The following PCLO variants were observed in gnomAD, a reference collection of about 807,000 sequenced individuals.
PCLO encodes protein piccolo.
PCLO carries 82 observed loss-of-function variants against 427.5 expected under a neutral mutation model. The ratio of observed to expected loss-of-function variants is 0.19; its 90% CI spans 0.16 to 0.23. PCLO has a LOEUF of 0.23. PCLO is among the 10% of genes least tolerant of loss of function. The probability of loss-of-function intolerance (pLI) is 1.00; values close to 1 mark genes in which losing one functional copy is unlikely to be tolerated. For missense variants in PCLO, 6,239 were observed against 6,115.9 expected (o/e 1.02, Z -0.67); for synonymous variants, 2,357 against 2,155.4 (o/e 1.09, Z -2.59).
At chr7:82,769,927 C>T (rs552249260) in intron 22 of PCLO, among the ~76,000 whole-genome samples, 6 of 152,148 alleles carry the variant, frequency 3.9e-5, no homozygotes, top group Non-Finnish European at 7.4e-5. Context: ...CTTCTAGCCC[C>T]GTGAGATGGC....
chr7:82,879,825 T>C (rs1793459682), intron 9 of PCLO: 1 of 453,700 alleles, frequency 2.2e-6, no homozygotes, highest in African/African-American at 2.0e-5. Flanking sequence ...ACATTTTACT[T>C]ATAGAAGAGC....
At chr7:82,820,905 A>C in intron 20 of PCLO, 6 of 1,230,496 alleles carry the variant, frequency 4.9e-6, no homozygotes, top group Non-Finnish European at 6.1e-6. Flanking sequence ...AGTGCATAGA[A>C]AAATACAAAT....
At chr7:82,932,421 C>G (rs1794860160) in intron 6 of PCLO, among the ~76,000 whole-genome samples, 1 of 151,982 alleles carries the variant, frequency 6.6e-6, no homozygotes, top group African/African-American at 2.4e-5. Context: ...GTAGAACTTT[C>G]AATGGAATCG....
chr7:83,151,961 T>G, intron 2 of PCLO, among the ~76,000 whole-genome samples: 1 of 151,832 alleles, frequency 6.6e-6, no homozygotes, highest in Admixed American at 6.6e-5. Context: ...TATACAAACT[T>G]ACTTTTTTTT....
chr7:82,953,209 C>T lies in PCLO; in HGVS notation c.7744G>A (p.Val2582Ile), dbSNP rs927771045. 2.5e-6 allele frequency: 4 copies of T among 1,613,802 alleles called. No individual in the cohort carries two copies. The African/African-American group carries it at 4.0e-5, about 16-fold the overall frequency. The change falls in exon 5 of 25, where the codon GTT (valine) becomes ATT (isoleucine). Residue 2582 changes from valine to isoleucine, a missense_variant. Physicochemically the swap from Val to Ile is conservative, Grantham distance 29. Transcript: ENST00000333891. ...FSKSLTETYV[V>I]ITLPSEPGTP... ...CCTGGTTCAGATGGCAATGTAATAA[C>T]TACATAAGTTTCTGTGAGGGATTTG...
chr7:83,103,004 C>T (rs568848828), intron 3 of PCLO, among the ~76,000 whole-genome samples: 1 of 56,790 alleles, frequency 1.8e-5, no homozygotes, highest in Admixed American at 2.2e-4. Flanking sequence ...ATTTCCCTTC[C>T]TGAGATATTT....
At chr7:83,092,111 A>G (rs1415119171) in intron 3 of PCLO, among the ~76,000 whole-genome samples, 2 of 152,206 alleles carry the variant, frequency 1.3e-5, no homozygotes, top group African/African-American at 2.4e-5. Context: ...GGAAACTCCA[A>G]TGGAGCATGA....
intron 3 of PCLO, among the ~76,000 whole-genome samples, chr7:83,013,342 T>G (rs1039484254): frequency 2.0e-5 from 3 of 152,214 alleles, no homozygotes; most frequent in Non-Finnish European, 4.4e-5. Flanking sequence ...CATTATTACA[T>G]GATACCTTAT....
At chr7:82,834,334 T>C (rs1366949250) in intron 16 of PCLO, among the ~76,000 whole-genome samples, 1 of 152,166 alleles carries the variant, frequency 6.6e-6, no homozygotes, top group Non-Finnish European at 1.5e-5. Context: ...TGTTCTGTGA[T>C]GAGAGAACCA....
chr7:83,064,587 C>T (rs1789619494), intron 3 of PCLO, among the ~76,000 whole-genome samples: 1 of 151,854 alleles, frequency 6.6e-6, no homozygotes, highest in African/African-American at 2.4e-5. Flanking sequence ...TCAAAGGGTA[C>T]CTTGTTATTA....
chr7:82,930,997 G>C (rs1024805744), intron 6 of PCLO, among the ~76,000 whole-genome samples: 1 of 152,126 alleles, frequency 6.6e-6, no homozygotes, highest in Non-Finnish European at 1.5e-5. Context: ...AGAGATAAAA[G>C]AAAACAAGTT....
intron 3 of PCLO, among the ~76,000 whole-genome samples, chr7:83,099,976 T>C (rs1790695989): frequency 7.8e-6 from 1 of 128,556 alleles, no homozygotes; most frequent in African/African-American, 2.6e-5. Context: ...TAGACTATAA[T>C]TTACTATACT....
chr7:83,042,038 C>T (rs1009633343), intron 3 of PCLO, among the ~76,000 whole-genome samples: 1 of 152,088 alleles, frequency 6.6e-6, no homozygotes, highest in African/African-American at 2.4e-5. Context: ...TTGTTATATT[C>T]TGTGGTGCTA....
chr7:83,158,591 ATT>A (rs912366676), intron 1 of PCLO, among the ~76,000 whole-genome samples: 4 of 151,966 alleles, frequency 2.6e-5, no homozygotes, highest in Non-Finnish European at 5.9e-5. Context: ...TATTTTAATC[ATT>A]GTTTTAATAT....
At chr7:82,945,950 A>C (rs1200975595) in intron 6 of PCLO, among the ~76,000 whole-genome samples, 1 of 152,222 alleles carries the variant, frequency 6.6e-6, no homozygotes, top group East Asian at 1.9e-4. Flanking sequence ...GAAACTAATA[A>C]AAGGATAAGA....
intron 3 of PCLO, among the ~76,000 whole-genome samples, chr7:83,055,790 CAAAAG>C (rs1434663784): frequency 3.3e-5 from 5 of 152,002 alleles, no homozygotes; most frequent in Non-Finnish European, 5.9e-5. Context: ...ATTAGGTAAA[CAAAAG>C]AAAGATAATC....
intron 3 of PCLO, among the ~76,000 whole-genome samples, chr7:83,127,060 C>A (rs1479833483): frequency 6.6e-6 from 1 of 151,958 alleles, no homozygotes; most frequent in Non-Finnish European, 1.5e-5. Context: ...ATTATATGTA[C>A]AAACATTTTA....
intron 22 of PCLO, among the ~76,000 whole-genome samples, chr7:82,788,238 T>A (rs1033758847): frequency 6.8e-6 from 1 of 147,656 alleles, no homozygotes. Context: ...TAATATATAA[T>A]TTATATATAA....
intron 3 of PCLO, among the ~76,000 whole-genome samples, chr7:82,987,649 T>A (rs555789252): frequency 6.6e-6 from 1 of 152,192 alleles, no homozygotes; most frequent in Non-Finnish European, 1.5e-5. Flanking sequence ...AAAAAAAGCT[T>A]CACAATATAC....
Sources: allele counts gnomAD v4.1 joint callset (sites outside exome capture counted in the v4.1 genomes callset), GRCh38; gene constraint gnomAD v4.1.1; transcripts MANE v1.5; gene names NCBI Gene and HGNC (gene_info 2026-07-23, HGNC 2026-07-21).